Variants in HOOK1 observed in about 807,000 individuals in gnomAD.
The protein encoded by HOOK1 is protein Hook homolog 1.
HOOK1 carries 60 observed loss-of-function variants against 112.8 expected under a neutral mutation model. That is an observed-to-expected ratio of 0.53 (90% CI 0.43 to 0.66). The LOEUF (loss-of-function observed/expected upper bound fraction) is 0.66. Ranked by LOEUF, HOOK1 falls within the 30% of genes least tolerant of loss-of-function variation. HOOK1 has a pLI of 0.00. For missense variants in HOOK1, 770 were observed against 856.0 expected (o/e 0.90, Z 1.25); for synonymous variants, 294 against 283.8 (o/e 1.04, Z -0.36).
At position 59,858,442 on chromosome 1, in the gene HOOK1, G is replaced by A. The variant is rs137906775; in HGVS notation, c.1257G>A (p.Gln419=). Residue 419 remains glutamine (Q), a synonymous_variant, in exon 13 of 22, where the codon CAG becomes CAA. Coordinates refer to ENST00000371208, the MANE Select transcript of HOOK1 (RefSeq NM_015888.6). The stretch of plus-strand genomic sequence containing the variant: ...ATTCTTTTCAGAGACTAATTGAGCA[G>A]CGTGATACTTTGAAAGAAACAAATG... ...LLKEKERLIE[Q]RDTLKETNEE... is the part of the protein sequence containing the mutation. 2.5e-6 allele frequency: 4 copies of A among 1,610,630 alleles called. No homozygotes were observed. The African/African-American group carries it at 5.3e-5, about 22-fold the overall frequency.
chr1:59,842,280 A>G (rs778647739), intron 8 of HOOK1, among the ~76,000 whole-genome samples: 37 of 152,142 alleles, frequency 2.4e-4, no homozygotes, highest in Middle Eastern at 6.8e-3. Context: ...CATCTTTTAC[A>G]TAATTGTTTA....
rs748293810 is a variant in HOOK1, at chr1:59,860,222, A to T, written c.1426A>T (p.Met476Leu). 1.2e-6 allele frequency: 2 copies of T among 1,607,614 alleles called. No individual in the cohort carries two copies. ...VFIRLQHENK[M>L]LRLQQEGSEN... ...TATTCGACTGCAACATGAAAATAAG[A>T]TGCTTCGCTTACAGCAAGAAGGCTC... The change falls in exon 15 of 22, where the codon ATG (methionine) becomes TTG (leucine). Residue 476 changes from methionine to leucine, a missense_variant. Coordinates refer to ENST00000371208, the MANE Select transcript of HOOK1 (RefSeq NM_015888.6).
Position 59,843,550 on chromosome 1 carries a change from A to G in HOOK1, c.740A>G (p.Tyr247Cys). 6.2e-7 allele frequency: 1 copy of G among 1,609,934 alleles called. No individual in the cohort carries two copies. The highest frequency in any genetic ancestry group is 8.5e-7 in the Non-Finnish European group (1 of 1,178,082). Reference sequence around the variant, plus strand: ...CCAAACACAGTGGTTGCAAAAAAGTATTTTCATGCACAATTACAACTAGAA... The same window carrying G: ...CCAAACACAGTGGTTGCAAAAAAGTGTTTTCATGCACAATTACAACTAGAA... Reference protein sequence around the residue: ...DDPNTVVAKKYFHAQLQLEQL... With the variant: ...DDPNTVVAKKCFHAQLQLEQL... Residue 247 changes from tyrosine to cysteine, a missense_variant, in exon 9 of 22, where the codon TAT becomes TGT. Physicochemically the swap from Tyr to Cys is radical, Grantham distance 194. Around this residue, in one of 3 missense-constraint regions of HOOK1, gnomAD observed 655 missense variants for 725.9 expected, o/e 0.90. Coordinates refer to ENST00000371208, the MANE Select transcript of HOOK1 (RefSeq NM_015888.6).
intron 9 of HOOK1, among the ~76,000 whole-genome samples, chr1:59,845,811 T>C (rs6657260): frequency 0.048 from 7,269 of 151,970 alleles, 413 homozygotes; most frequent in African/African-American, 0.13. Context: ...ATAATAGATA[T>C]TGGTCTAAAT....
At chr1:59,846,599 TC>T (rs1420476418) in intron 9 of HOOK1, among the ~76,000 whole-genome samples, 23 of 72,628 alleles carry the variant, frequency 3.2e-4, no homozygotes, top group Non-Finnish European at 4.8e-4. Flanking sequence ...CCCTCCTCCC[TC>T]CCTCCCTCCC....
rs565336546 is a variant in HOOK1, at chr1:59,842,432, G to A, written c.622-1000G>A. 2.6e-5 allele frequency among the ~76,000 whole-genome samples: 4 copies of A among 152,142 alleles called. No homozygotes were observed. The East Asian group carries it at 7.7e-4, about 29-fold the overall frequency. On this transcript the variant is annotated intron_variant, in intron 8 of 21. Transcript: ENST00000371208. ...GCATGGATGCATGCATTGAATTTGG[G>A]AATAGAAAGTTATTTCATTATATTG...
chr1:59,829,170 C>T (rs138897713), intron 3 of HOOK1, among the ~76,000 whole-genome samples: 240 of 152,122 alleles, frequency 1.6e-3, no homozygotes, highest in African/African-American at 5.5e-3. Context: ...ATAATATGTA[C>T]TCTTTTTGTC....
chr1:59,847,010 G>A, intron 9 of HOOK1, 35 bp from the exon 10 acceptor site: 1 of 1,527,892 alleles, frequency 6.5e-7, no homozygotes, highest in Non-Finnish European at 8.8e-7. Flanking sequence ...ACAAATCATG[G>A]AAGTTATAAA....
Position 59,865,162 on chromosome 1 carries a change from G to T in HOOK1, c.1662-1G>T. 1 of 1,588,894 alleles carries T rather than the reference G, an allele frequency of 6.3e-7. No individual in the cohort carries two copies. Among genetic ancestry groups the T allele is most frequent in the African/African-American group, 1.3e-5 (1 of 74,536 alleles). On this transcript the variant is annotated splice_acceptor_variant, in intron 17 of 21. Coordinates refer to ENST00000371208, the MANE Select transcript of HOOK1 (RefSeq NM_015888.6). LOFTEE classifies it high-confidence loss of function. ...GTCTCCATGCTTTTTCTACCACTTA[G>T]GGAAAAACTCACAGAGGTCCATGAA...
intron 6 of HOOK1, 69 bp from the exon 7 acceptor site, chr1:59,836,804 T>C: frequency 1.1e-6 from 1 of 921,766 alleles, no homozygotes; most frequent in South Asian, 1.7e-5. Flanking sequence ...TACTATCCTT[T>C]CAAGAAAATA....
At chr1:59,861,306 T>A (rs140132346) in intron 15 of HOOK1, among the ~76,000 whole-genome samples, 11 of 152,340 alleles carry the variant, frequency 7.2e-5, no homozygotes, top group Non-Finnish European at 1.2e-4. Flanking sequence ...TCTACTGAAG[T>A]CTAGTGCATA....
intron 18 of HOOK1, 22 bp downstream of exon 18, chr1:59,865,267 G>C: frequency 6.9e-7 from 1 of 1,443,010 alleles, no homozygotes; most frequent in Non-Finnish European, 9.8e-7. Context: ...TGAAAACTTG[G>C]ATCAGACAAC....
At chr1:59,819,350 A>G (rs747313481) in intron 1 of HOOK1, among the ~76,000 whole-genome samples, 9 of 151,782 alleles carry the variant, frequency 5.9e-5, no homozygotes, top group South Asian at 4.2e-4. Context: ...GGGTTTCACC[A>G]TGTTGGCCAG....
intron 8 of HOOK1, among the ~76,000 whole-genome samples, chr1:59,841,570 C>T (rs1056990011): frequency 2.6e-5 from 4 of 152,084 alleles, no homozygotes; most frequent in Non-Finnish European, 5.9e-5. Context: ...TGTTCTCCTT[C>T]GCACCTTTCC....
At chr1:59,859,966 T>G (rs2098412687) in intron 14 of HOOK1, among the ~76,000 whole-genome samples, 1 of 152,162 alleles carries the variant, frequency 6.6e-6, no homozygotes, top group Non-Finnish European at 1.5e-5. Flanking sequence ...GACTGCTTTT[T>G]TTTAAAGGCA....
At chr1:59,836,371 C>G (rs2098397657) in intron 6 of HOOK1, among the ~76,000 whole-genome samples, 1 of 152,156 alleles carries the variant, frequency 6.6e-6, no homozygotes, top group African/African-American at 2.4e-5. Flanking sequence ...AGTCTGTACT[C>G]CCTGAGTTTG....
At chr1:59,864,432 T>C (rs1051586812) in intron 16 of HOOK1, among the ~76,000 whole-genome samples, 200 bp from the exon 17 acceptor site, 1 of 152,044 alleles carries the variant, frequency 6.6e-6, no homozygotes, top group Non-Finnish European at 1.5e-5. Flanking sequence ...TCATTTTCTA[T>C]TTTTCCTTTC....
At chr1:59,867,213 C>T (rs941169522) in intron 19 of HOOK1, among the ~76,000 whole-genome samples, 4 of 152,100 alleles carry the variant, frequency 2.6e-5, no homozygotes, top group Admixed American at 2.0e-4. Context: ...AGAAAATATA[C>T]AAATCACAAC....
At chr1:59,848,962 GTAGA>G in intron 11 of HOOK1, 107 bp from the exon 12 acceptor site, 3 of 519,680 alleles carry the variant, frequency 5.8e-6, no homozygotes, top group Non-Finnish European at 1.0e-5. Context: ...CAATTTTAGT[GTAGA>G]TATTTATTCA....
Sources: gnomAD v4.1 joint callset for allele counts (sites outside exome capture counted in the v4.1 genomes callset) on GRCh38, gnomAD v4.1.1 for gene constraint, gnomAD v4.1.1 regional missense constraint, MANE v1.5 for transcripts, NCBI Gene and HGNC (gene_info 2026-07-23, HGNC 2026-07-21) for gene names.